INVS: variants seen among roughly 807,000 people sequenced by gnomAD.
INVS encodes the protein inversion of embryo turning homolog.
In INVS, 86 loss-of-function variants were observed where a neutral mutation model predicts 108.8. The ratio of observed to expected loss-of-function variants is 0.79; its 90% CI spans 0.66 to 0.95. INVS has a LOEUF of 0.95. INVS is among the 40% of genes least tolerant of loss of function. INVS has a pLI of 0.00. For synonymous variants in INVS, 455 were observed against 473.5 expected (o/e 0.96, Z 0.51); for missense variants, 1,169 against 1,297.4 (o/e 0.90, Z 1.52).
intron 3 of INVS, among the ~76,000 whole-genome samples, chr9:100,162,863 A>G (rs1453945643): frequency 6.6e-6 from 1 of 151,816 alleles, no homozygotes; most frequent in African/African-American, 2.4e-5. Context: ...TTTGGCAAGG[A>G]CCCAGCCTTC....
intron 3 of INVS, among the ~76,000 whole-genome samples, chr9:100,151,865 G>A (rs1828818236): frequency 1.3e-5 from 2 of 152,212 alleles, no homozygotes; most frequent in African/African-American, 4.8e-5. Context: ...AGTCTGATGA[G>A]CTCAGAGTGT....
chr9:100,109,117 G>A (rs1588004095), intron 2 of INVS, among the ~76,000 whole-genome samples: 1 of 152,178 alleles, frequency 6.6e-6, no homozygotes, highest in East Asian at 1.9e-4. Context: ...ATACTATACA[G>A]TGTAGTATTG....
intron 2 of INVS, among the ~76,000 whole-genome samples, chr9:100,122,316 C>T (rs1199742641): frequency 6.6e-6 from 1 of 152,040 alleles, no homozygotes; most frequent in Non-Finnish European, 1.5e-5. Context: ...TCTTTCTATT[C>T]TATCAGTTTT....
At chr9:100,217,263 C>T (rs1160564237) in intron 3 of INVS, among the ~76,000 whole-genome samples, 1 of 152,000 alleles carries the variant, frequency 6.6e-6, no homozygotes, top group East Asian at 1.9e-4. Flanking sequence ...GAGCCAAGAT[C>T]GCGCCACTGC....
intron 3 of INVS, among the ~76,000 whole-genome samples, chr9:100,225,605 T>A (rs560782618): frequency 6.6e-6 from 1 of 152,344 alleles, no homozygotes; most frequent in South Asian, 2.1e-4. Context: ...ACATTGCTGC[T>A]GTTAGATAGC....
chr9:100,285,275 G>C (rs1013556593), intron 13 of INVS, among the ~76,000 whole-genome samples: 6 of 152,220 alleles, frequency 3.9e-5, no homozygotes, highest in African/African-American at 1.4e-4. Context: ...GGTTTCAGAT[G>C]AGAAATCCAC....
intron 3 of INVS, among the ~76,000 whole-genome samples, chr9:100,181,190 C>G (rs1312720721): frequency 6.6e-6 from 1 of 152,160 alleles, no homozygotes; most frequent in Non-Finnish European, 1.5e-5. Flanking sequence ...TGGGCAAAAA[C>G]TGGAAGCATT....
At chr9:100,191,277 CA>C (rs1830212734) in intron 3 of INVS, among the ~76,000 whole-genome samples, 1 of 152,108 alleles carries the variant, frequency 6.6e-6, no homozygotes, top group Non-Finnish European at 1.5e-5. Context: ...ATAAGTTTTC[CA>C]AATTTTTTGT....
chr9:100,251,159 T>TTTTTG (rs956074592), intron 8 of INVS, among the ~76,000 whole-genome samples: 88 of 152,256 alleles, frequency 5.8e-4, no homozygotes, highest in Admixed American at 4.6e-4. Flanking sequence ...AATTGTTTTG[T>TTTTTG]TTTTGTTTTG....
intron 3 of INVS, among the ~76,000 whole-genome samples, chr9:100,156,191 T>C (rs1481496899): frequency 6.6e-6 from 1 of 151,988 alleles, no homozygotes; most frequent in Non-Finnish European, 1.5e-5. Context: ...GATGGACAAT[T>C]TGAGTAGCAA....
chr9:100,107,310 A>G (rs1827211318), intron 2 of INVS, among the ~76,000 whole-genome samples: 1 of 152,166 alleles, frequency 6.6e-6, no homozygotes, highest in Non-Finnish European at 1.5e-5. Flanking sequence ...ATACATCCTT[A>G]AACACTTTAG....
chr9:100,130,153 A>G (rs920897555), intron 3 of INVS: 1 of 153,070 alleles, frequency 6.5e-6, no homozygotes, highest in Non-Finnish European at 1.5e-5. Context: ...TTTAAAGCAT[A>G]TGGATAACTA....
chr9:100,155,111 TGAGGCA>T (rs1828931640), intron 3 of INVS, among the ~76,000 whole-genome samples: 1 of 151,306 alleles, frequency 6.6e-6, no homozygotes, highest in Admixed American at 6.6e-5. Context: ...CTCGGGAGGC[TGAGGCA>T]CAAGAATTGC....
At chr9:100,138,321 G>T (rs968747521) in intron 3 of INVS, among the ~76,000 whole-genome samples, 10 of 152,098 alleles carry the variant, frequency 6.6e-5, no homozygotes, top group Non-Finnish European at 1.5e-4. Flanking sequence ...CAGGAGAATC[G>T]CTTGAACCCA....
intron 2 of INVS, among the ~76,000 whole-genome samples, chr9:100,121,444 A>C (rs891787624): frequency 6.6e-6 from 1 of 152,188 alleles, no homozygotes; most frequent in African/African-American, 2.4e-5. Flanking sequence ...TCTATATCTT[A>C]AGTGGACTTT....
intron 3 of INVS, among the ~76,000 whole-genome samples, chr9:100,218,013 ATAAT>A (rs1438910800): frequency 6.6e-6 from 1 of 152,208 alleles, no homozygotes; most frequent in Non-Finnish European, 1.5e-5. Context: ...AGCTATAATT[ATAAT>A]TAATAAATCA....
chr9:100,155,640 A>G (rs1255222674), intron 3 of INVS, among the ~76,000 whole-genome samples: 2 of 152,224 alleles, frequency 1.3e-5, no homozygotes, highest in South Asian at 4.1e-4. Context: ...GCCCAGCCCA[A>G]GTGACTTTAA....
chr9:100,258,550 C>T (rs1832503986), intron 10 of INVS, among the ~76,000 whole-genome samples: 1 of 152,050 alleles, frequency 6.6e-6, no homozygotes, highest in Admixed American at 6.6e-5. Context: ...GTTTTATGGT[C>T]TTTGGTCTTT....
chr9:100,176,059 A>C, intron 3 of INVS: 1 of 500,180 alleles, frequency 2.0e-6, no homozygotes. Context: ...ATATGTAAAG[A>C]TGAGTGAAAC....
Sources: gnomAD v4.1 joint callset for allele counts (sites outside exome capture counted in the v4.1 genomes callset) on GRCh38, gnomAD v4.1.1 for gene constraint, MANE v1.5 for transcripts, NCBI Gene and HGNC (gene_info 2026-07-23, HGNC 2026-07-21) for gene names.